TMPRSS15: variants seen among roughly 807,000 people sequenced by gnomAD.
The protein encoded by TMPRSS15 is transmembrane serine protease 15, also known as enteropeptidase.
In TMPRSS15, 128 loss-of-function variants were observed where a neutral mutation model predicts 125.3. The observed-to-expected ratio is 1.02, with a 90% CI of 0.89 to 1.18. The LOEUF (loss-of-function observed/expected upper bound fraction) is 1.18, where lower values mean the gene tolerates loss of function less well. Ranked by LOEUF, TMPRSS15 falls within the 50% of genes most tolerant of loss-of-function variation. The pLI is 0.00. For missense variants in TMPRSS15, 1,283 were observed against 1,212.7 expected, an observed-to-expected ratio of 1.06 and a Z score of -0.86; for synonymous variants, 446 against 423.2, an observed-to-expected ratio of 1.05 and a Z score of -0.66.
At chr21:18,345,658 G>A (rs1008162309) in intron 10 of TMPRSS15, among the ~76,000 whole-genome samples, 15 of 143,284 alleles carry the variant, frequency 1.0e-4, no homozygotes, top group African/African-American at 3.4e-4. Flanking sequence ...GGAGAATGAC[G>A]TGAACCCGGG....
chr21:18,438,986 G>T (rs1416629333), intron 1 of TMPRSS15, among the ~76,000 whole-genome samples: 1 of 151,908 alleles, frequency 6.6e-6, no homozygotes, highest in East Asian at 1.9e-4. Flanking sequence ...AATTAATCAG[G>T]GCTCTGAATT....
At chr21:18,305,904 T>C (rs934465763) in intron 18 of TMPRSS15, among the ~76,000 whole-genome samples, 1 of 152,208 alleles carries the variant, frequency 6.6e-6, no homozygotes, top group Non-Finnish European at 1.5e-5. Flanking sequence ...AAGTAAATGA[T>C]GGACTTTGTA....
intron 5 of TMPRSS15, among the ~76,000 whole-genome samples, chr21:18,377,285 C>T (rs1214621907): frequency 6.6e-6 from 1 of 152,066 alleles, no homozygotes; most frequent in East Asian, 1.9e-4. Flanking sequence ...AAGTTCAGAT[C>T]AAAATGAGCA....
At chr21:18,402,773 C>T (rs1422125074) in intron 1 of TMPRSS15, among the ~76,000 whole-genome samples, 1 of 152,114 alleles carries the variant, frequency 6.6e-6, no homozygotes, top group Non-Finnish European at 1.5e-5. Context: ...TGAACTTAAG[C>T]AAGTTACTTC....
upstream of TMPRSS15, among the ~76,000 whole-genome samples, chr21:18,404,709 T>G (rs930320446): frequency 4.6e-5 from 7 of 152,018 alleles, no homozygotes; most frequent in Admixed American, 1.3e-4. Context: ...AGTTTTAGAT[T>G]GGAAACCCCT....
At chr21:18,302,452 T>C (rs1279606176) in intron 18 of TMPRSS15, among the ~76,000 whole-genome samples, 1 of 152,142 alleles carries the variant, frequency 6.6e-6, no homozygotes, top group Non-Finnish European at 1.5e-5. Context: ...TCCACTACAA[T>C]TATTTAACCA....
intron 5 of TMPRSS15, among the ~76,000 whole-genome samples, chr21:18,373,562 A>G (rs1303018970): frequency 6.6e-6 from 1 of 152,256 alleles, no homozygotes; most frequent in African/African-American, 2.4e-5. Flanking sequence ...CACATATTTC[A>G]TAGAATCTCA....
intron 21 of TMPRSS15, among the ~76,000 whole-genome samples, chr21:18,289,763 A>G (rs1031119913): frequency 3.3e-5 from 5 of 151,856 alleles, no homozygotes; most frequent in African/African-American, 1.2e-4. Context: ...ACTGTGATCC[A>G]GACTGTAAAT....
rs376129645 is a variant in TMPRSS15 at position 18,315,257 on chromosome 21, C to G, written c.1922-1G>C. The G allele has an allele frequency of 6.2e-7, 1 of 1,608,414 alleles. No homozygotes were observed. The highest frequency in any genetic ancestry group is 8.5e-7 in the Non-Finnish European group (1 of 1,175,646). ...TGAAAATGGTCTGCCTTGCATGGCT[C>G]TATGGGGAAAGAATGTTTATTGTAT... On this transcript the variant is annotated splice_acceptor_variant, in intron 16 of 24. Coordinates refer to ENST00000284885, the MANE Select transcript of TMPRSS15 (RefSeq NM_002772.3). LOFTEE classifies it high-confidence loss of function.
At chr21:18,374,027 T>C (rs557735363) in intron 5 of TMPRSS15, among the ~76,000 whole-genome samples, 251 of 152,326 alleles carry the variant, frequency 1.6e-3, no homozygotes, top group Non-Finnish European at 2.9e-3. Context: ...AAAAGTGCTA[T>C]GGGGGCATCA....
chr21:18,430,054 T>C (rs2076213113), intron 1 of TMPRSS15, among the ~76,000 whole-genome samples: 1 of 152,234 alleles, frequency 6.6e-6, no homozygotes, highest in East Asian at 1.9e-4. Flanking sequence ...CTATTACTGA[T>C]TGATGCATGT....
At position 18,380,634 on chromosome 21, in the gene TMPRSS15, A is replaced by G. The variant is rs7283705; in HGVS notation, c.497-1316T>C. On this transcript the variant is annotated intron_variant, in intron 4 of 24. Transcript: ENST00000284885. The stretch of plus-strand genomic sequence containing the variant: ...ACACATGAGTTTATGATATAAATAC[A>G]TTACAAAACATTGAGTACACCTTGA... The G allele has an allele frequency of 2.2e-3, 1,011 of 466,816 alleles. 15 individuals are homozygous for G. Among genetic ancestry groups the G allele is most frequent in the African/African-American group, 0.018 (899 of 50,098 alleles). 28.9% of individuals were successfully genotyped at this position (466,816 alleles called of 1,614,324 possible).
intron 1 of TMPRSS15, among the ~76,000 whole-genome samples, chr21:18,477,088 G>T (rs1978894292): frequency 6.6e-6 from 1 of 152,132 alleles, no homozygotes; most frequent in Non-Finnish European, 1.5e-5. Flanking sequence ...GAGGGCAAAA[G>T]TTAATATGAT....
At chr21:18,365,568 CTCTCTT>C (rs1194395487) in intron 6 of TMPRSS15, among the ~76,000 whole-genome samples, 9 of 92,660 alleles carry the variant, frequency 9.7e-5, no homozygotes, top group Admixed American at 6.9e-4. Context: ...CTTTCTTTCT[CTCTCTT>C]TCTCTCTTTT....
At chr21:18,311,792 G>T (rs946089383) in intron 18 of TMPRSS15, among the ~76,000 whole-genome samples, 2 of 152,074 alleles carry the variant, frequency 1.3e-5, no homozygotes, top group Non-Finnish European at 2.9e-5. Flanking sequence ...GCCCTCCCAT[G>T]TTTATTGCAG....
intron 14 of TMPRSS15, among the ~76,000 whole-genome samples, chr21:18,331,128 C>T (rs2075341562): frequency 6.6e-6 from 1 of 150,464 alleles, no homozygotes; most frequent in African/African-American, 2.4e-5. Context: ...ACTCTGTTTC[C>T]CCAAAGAAGT....
intron 1 of TMPRSS15, among the ~76,000 whole-genome samples, chr21:18,420,089 G>A (rs1455763796): frequency 6.6e-6 from 1 of 152,204 alleles, no homozygotes; most frequent in Non-Finnish European, 1.5e-5. Flanking sequence ...TATAGGAAAA[G>A]GAGGGCTGTA....
chr21:18,484,278 T>C (rs1163803938), intron 1 of TMPRSS15, among the ~76,000 whole-genome samples: 1 of 151,854 alleles, frequency 6.6e-6, no homozygotes, highest in Non-Finnish European at 1.5e-5. Flanking sequence ...AACAAAAGCT[T>C]AGTCTTTAAG....
At chr21:18,449,408 T>C (rs2076262642) in intron 1 of TMPRSS15, among the ~76,000 whole-genome samples, 1 of 152,118 alleles carries the variant, frequency 6.6e-6, no homozygotes, top group African/African-American at 2.4e-5. Flanking sequence ...CACTAGTGTG[T>C]GTTCTCCCAA....
Sources: allele counts gnomAD v4.1 joint callset (sites outside exome capture counted in the v4.1 genomes callset), GRCh38; gene constraint gnomAD v4.1.1; transcripts MANE v1.5; gene names NCBI Gene and HGNC (gene_info 2026-07-23, HGNC 2026-07-21).